Variants in ALK observed in about 807,000 individuals in gnomAD.
ALK encodes the protein ALK tyrosine kinase receptor.
ALK carries 74 observed loss-of-function variants against 163.1 expected under a neutral mutation model. The observed-to-expected ratio is 0.45, with a 90% confidence interval of 0.38 to 0.55. The LOEUF (loss-of-function observed/expected upper bound fraction) is 0.55. Ranked by LOEUF, ALK falls within the 20% of genes least tolerant of loss-of-function variation. The pLI, the probability that ALK is intolerant of heterozygous loss-of-function variation, is 0.00. For synonymous variants in ALK, 960 were observed against 843.2 expected (o/e 1.14, Z -2.40); for missense variants, 2,063 against 2,105.3 (o/e 0.98, Z 0.39).
chr2:29,395,466 T>C (rs1416404264), intron 4 of ALK, among the ~76,000 whole-genome samples: 2 of 152,052 alleles, frequency 1.3e-5, no homozygotes, highest in Non-Finnish European at 2.9e-5. Flanking sequence ...ACTGGGGTGG[T>C]CATGGTTGGA....
chr2:29,669,829 G>C (rs1034425856), intron 3 of ALK, among the ~76,000 whole-genome samples: 2 of 151,376 alleles, frequency 1.3e-5, no homozygotes, highest in Admixed American at 6.6e-5. Context: ...GTTTTAAAGA[G>C]ATAACTTATC....
intron 3 of ALK, among the ~76,000 whole-genome samples, chr2:29,670,785 A>G (rs996848024): frequency 3.3e-5 from 5 of 151,914 alleles, no homozygotes; most frequent in African/African-American, 1.2e-4. Context: ...TTCTGTTGAG[A>G]GTCTCTAATG....
intron 4 of ALK, among the ~76,000 whole-genome samples, chr2:29,458,605 A>G (rs548660532): frequency 9.2e-5 from 14 of 152,216 alleles, no homozygotes; most frequent in African/African-American, 2.9e-4. Flanking sequence ...GGAATTTCCT[A>G]TTGTTCCCTG....
chr2:29,370,494 C>T (rs1022442144), intron 5 of ALK, among the ~76,000 whole-genome samples: 2 of 152,202 alleles, frequency 1.3e-5, no homozygotes, highest in African/African-American at 4.8e-5. Flanking sequence ...AATCAGGGCC[C>T]TTGTCCAGAG....
chr2:29,413,680 C>T (rs1669789181), intron 4 of ALK, among the ~76,000 whole-genome samples: 1 of 152,104 alleles, frequency 6.6e-6, no homozygotes, highest in Admixed American at 6.5e-5. Flanking sequence ...TACAGGCACC[C>T]TCCACCATGC....
At chr2:29,573,416 G>C (rs1398231955) in intron 3 of ALK, among the ~76,000 whole-genome samples, 1 of 152,180 alleles carries the variant, frequency 6.6e-6, no homozygotes, top group Non-Finnish European at 1.5e-5. Flanking sequence ...CAGCCCATGG[G>C]TAAGAATGTT....
At chr2:29,854,372 C>T (rs201120916) in intron 1 of ALK, among the ~76,000 whole-genome samples, 1 of 152,214 alleles carries the variant, frequency 6.6e-6, no homozygotes, top group East Asian at 1.9e-4. Context: ...TGTTAGTTCA[C>T]ACAAGAGCTG....
chr2:29,450,135 C>T (rs1670785323), intron 4 of ALK, among the ~76,000 whole-genome samples: 1 of 152,192 alleles, frequency 6.6e-6, no homozygotes, highest in African/African-American at 2.4e-5. Context: ...ATCAGTATCA[C>T]CAAACCTTCC....
chr2:29,764,890 G>A (rs1440539766), intron 1 of ALK, among the ~76,000 whole-genome samples: 1 of 152,144 alleles, frequency 6.6e-6, no homozygotes, highest in East Asian at 1.9e-4. Flanking sequence ...TGTTGGAGGT[G>A]GGACCTAGTT....
chr2:29,409,856 C>T (rs1342134745), intron 4 of ALK, among the ~76,000 whole-genome samples: 1 of 152,140 alleles, frequency 6.6e-6, no homozygotes, highest in Non-Finnish European at 1.5e-5. Flanking sequence ...TTTCTCTACC[C>T]CATTACCCAT....
At chr2:29,549,907 T>C (rs1263022361) in intron 3 of ALK, among the ~76,000 whole-genome samples, 2 of 152,190 alleles carry the variant, frequency 1.3e-5, no homozygotes, top group Non-Finnish European at 1.5e-5. Context: ...CAAAAGGACA[T>C]TTTTGGCTCA....
At chr2:29,302,995 A>G (rs532154901) in intron 8 of ALK, among the ~76,000 whole-genome samples, 90 of 152,352 alleles carry the variant, frequency 5.9e-4, no homozygotes, top group African/African-American at 2.1e-3. Flanking sequence ...CATAAAAGCA[A>G]ATGCAACAAA....
chr2:29,572,307 G>A (rs113660999), intron 3 of ALK, among the ~76,000 whole-genome samples: 46 of 152,338 alleles, frequency 3.0e-4, no homozygotes, highest in African/African-American at 9.9e-4. Context: ...AGACGTCAGC[G>A]TTGTGGGCCA....
chr2:29,534,317 T>A (rs1299839358), intron 3 of ALK, among the ~76,000 whole-genome samples: 1 of 152,178 alleles, frequency 6.6e-6, no homozygotes, highest in East Asian at 1.9e-4. Flanking sequence ...TTCGAAGTGT[T>A]TGCTATATTA....
chr2:29,707,459 G>T (rs985764380), intron 2 of ALK, among the ~76,000 whole-genome samples: 2 of 152,268 alleles, frequency 1.3e-5, no homozygotes, highest in African/African-American at 4.8e-5. Flanking sequence ...GAGGCTCTTT[G>T]CCTGGGAGGA....
At chr2:29,543,243 G>A (rs1673462207) in intron 3 of ALK, among the ~76,000 whole-genome samples, 1 of 152,176 alleles carries the variant, frequency 6.6e-6, no homozygotes, top group Non-Finnish European at 1.5e-5. Context: ...AGAAAAGGCT[G>A]TCTTGCTATG....
At chr2:29,210,576 G>C (rs1354317030) in intron 24 of ALK, among the ~76,000 whole-genome samples, 14 of 152,112 alleles carry the variant, frequency 9.2e-5, no homozygotes, top group Admixed American at 9.2e-4. Flanking sequence ...GGGGTTACAG[G>C]CATGCAGCAC....
At chr2:29,226,356 T>A (rs1663992422) in intron 18 of ALK, among the ~76,000 whole-genome samples, 1 of 151,466 alleles carries the variant, frequency 6.6e-6, no homozygotes, top group Admixed American at 6.6e-5. Flanking sequence ...TGGGCGCCTG[T>A]AGTCCCAGCT....
At chr2:29,646,818 G>T (rs80258817) in intron 3 of ALK, among the ~76,000 whole-genome samples, 1 of 152,062 alleles carries the variant, frequency 6.6e-6, no homozygotes. Context: ...CACCACTCCT[G>T]CCTTCCTTGC....
Sources: gnomAD v4.1 joint callset for allele counts (sites outside exome capture counted in the v4.1 genomes callset) on GRCh38, gnomAD v4.1.1 for gene constraint, MANE v1.5 for transcripts, NCBI Gene and HGNC (gene_info 2026-07-23, HGNC 2026-07-21) for gene names.